NRXN3: variants seen among roughly 807,000 people sequenced by gnomAD.
NRXN3 encodes neurexin 3.
A neutral mutation model predicts 137.6 loss-of-function variants in NRXN3; 32 were observed. The observed-to-expected ratio is 0.23, with a 90% confidence interval of 0.18 to 0.31. The LOEUF is 0.31. NRXN3 is among the 10% of genes least tolerant of loss of function. The pLI, the probability that NRXN3 is intolerant of heterozygous loss-of-function variation, is 1.00. For synonymous variants in NRXN3, 798 were observed against 784.5 expected (o/e 1.02, Z -0.29); for missense variants, 1,574 against 2,062.5 (o/e 0.76, Z 4.59).
At chr14:78,272,683 A>G (rs952330771) in intron 2 of NRXN3, among the ~76,000 whole-genome samples, 2 of 152,162 alleles carry the variant, frequency 1.3e-5, no homozygotes, top group Non-Finnish European at 2.9e-5. Context: ...TCCATGGGTT[A>G]GATGGTTTCT....
At chr14:78,973,944 A>G (rs906122516) in intron 14 of NRXN3, among the ~76,000 whole-genome samples, 1 of 152,212 alleles carries the variant, frequency 6.6e-6, no homozygotes, top group Non-Finnish European at 1.5e-5. Context: ...GCTAACCAGT[A>G]CAAGCGCCTA....
chr14:79,429,881 G>C (rs1178315688), intron 15 of NRXN3, among the ~76,000 whole-genome samples: 1 of 152,058 alleles, frequency 6.6e-6, no homozygotes, highest in Admixed American at 6.6e-5. Context: ...TCTTTGGAGA[G>C]TGAAAGAGTT....
At chr14:78,554,343 G>A (rs1348804850) in intron 4 of NRXN3, among the ~76,000 whole-genome samples, 1 of 152,064 alleles carries the variant, frequency 6.6e-6, no homozygotes, top group Non-Finnish European at 1.5e-5. Context: ...CCTCGGGCTG[G>A]GCTCCTCTCC....
chr14:79,623,849 G>GTTTTTTTTTTTT (rs571687023), intron 16 of NRXN3, among the ~76,000 whole-genome samples: 7 of 98,028 alleles, frequency 7.1e-5, no homozygotes, highest in Non-Finnish European at 1.0e-4. Context: ...CTTAGCTCCT[G>GTTTTTTTTTTTT]TTTTTTTTTT....
At position 78,479,062 on chromosome 14, in the gene NRXN3, G is replaced by GT. The variant is rs1479579441; in HGVS notation, c.758-166057dup. ...ATAGCAAACCAATGTGCTACAATAT[G>GT]TAAGTTAGGGTGTGACTATCCCTGT... On this transcript the variant is annotated intron_variant, in intron 4 of 20. Transcript: ENST00000335750. Among the ~76,000 whole-genome samples, 6 of 152,360 alleles carry GT rather than the reference G, an allele frequency of 3.9e-5. No individual in the cohort carries two copies. In the East Asian group the frequency reaches 1.2e-3, roughly 29 times the overall value.
intron 20 of NRXN3, among the ~76,000 whole-genome samples, chr14:79,819,482 CTT>C (rs58492725): frequency 1.8e-4 from 13 of 71,900 alleles, no homozygotes; most frequent in African/African-American, 5.8e-4. Context: ...ACATTAAAAG[CTT>C]TTTTTTTTTT....
chr14:79,660,199 A>G (rs2098526876), intron 16 of NRXN3, among the ~76,000 whole-genome samples: 1 of 152,178 alleles, frequency 6.6e-6, no homozygotes, highest in African/African-American at 2.4e-5. Flanking sequence ...GATAGTTTCA[A>G]GCCTGGGCAA....
intron 15 of NRXN3, among the ~76,000 whole-genome samples, chr14:79,240,852 T>C (rs1184535058): frequency 6.6e-6 from 1 of 152,192 alleles, no homozygotes; most frequent in Non-Finnish European, 1.5e-5. Flanking sequence ...AACACATTAC[T>C]TTCCCTGACA....
intron 15 of NRXN3, among the ~76,000 whole-genome samples, chr14:79,069,770 G>A (rs2099685232): frequency 6.6e-6 from 1 of 152,002 alleles, no homozygotes; most frequent in Admixed American, 6.6e-5. Context: ...ATGTATAACT[G>A]TGATGCTATT....
intron 15 of NRXN3, among the ~76,000 whole-genome samples, chr14:79,385,899 T>C (rs1298281911): frequency 6.6e-6 from 1 of 152,114 alleles, no homozygotes; most frequent in African/African-American, 2.4e-5. Flanking sequence ...TTGACAAAAT[T>C]CAACAGCCCT....
intron 15 of NRXN3, among the ~76,000 whole-genome samples, chr14:79,278,360 C>T (rs1007448739): frequency 1.3e-5 from 2 of 152,142 alleles, no homozygotes; most frequent in Non-Finnish European, 2.9e-5. Flanking sequence ...GTGGATGCCG[C>T]CTAGTCCACA....
chr14:78,426,003 A>C (rs145741915), intron 4 of NRXN3, among the ~76,000 whole-genome samples: 1 of 152,322 alleles, frequency 6.6e-6, no homozygotes, highest in Non-Finnish European at 1.5e-5. Flanking sequence ...CAGGAAGTGA[A>C]GTATGTGCTG....
intron 16 of NRXN3, among the ~76,000 whole-genome samples, chr14:79,561,614 T>C (rs1399293343): frequency 6.6e-6 from 1 of 152,170 alleles, no homozygotes; most frequent in Non-Finnish European, 1.5e-5. Context: ...TGCTAGTAAG[T>C]GGCTTTGTAT....
At chr14:78,373,475 G>A (rs567850843) in intron 4 of NRXN3, among the ~76,000 whole-genome samples, 26 of 152,172 alleles carry the variant, frequency 1.7e-4, no homozygotes, top group Non-Finnish European at 3.5e-4. Context: ...AACACTCACC[G>A]GAAATCTGTA....
intron 10 of NRXN3, among the ~76,000 whole-genome samples, chr14:78,824,455 A>G (rs370672784): frequency 2.6e-5 from 4 of 152,356 alleles, no homozygotes; most frequent in African/African-American, 4.8e-5. Context: ...CTAATCATAT[A>G]GAAGGCATTA....
At chr14:79,668,530 C>G (rs146818325) in intron 17 of NRXN3, among the ~76,000 whole-genome samples, 4 of 152,224 alleles carry the variant, frequency 2.6e-5, no homozygotes, top group Admixed American at 1.3e-4. Flanking sequence ...CAGCCTCAAA[C>G]TTTCTGCTCA....
chr14:78,564,237 A>G (rs1191435910), intron 4 of NRXN3, among the ~76,000 whole-genome samples: 1 of 152,238 alleles, frequency 6.6e-6, no homozygotes, highest in Non-Finnish European at 1.5e-5. Context: ...GCTGACTTAA[A>G]GTGAACATCT....
In NRXN3 at chr14:79,851,938, T is replaced by C. The variant is rs573272087; in HGVS notation, c.4094-9404T>C. On this transcript the variant is annotated intron_variant, in intron 20 of 20. Transcript: ENST00000335750. ...GTCCTGTAGTTTACAGACACTGATA[T>C]TGTACTCTTTGGAGTGGAGAGGGGT... is the stretch of plus-strand genomic sequence containing the variant. Among the ~76,000 whole-genome samples, 116 of 152,092 alleles carry C rather than the reference T, an allele frequency of 7.6e-4. 1 individual carries two copies. Among genetic ancestry groups the C allele is most frequent in the South Asian group, 7.5e-3 (36 of 4,798 alleles).
rs560614833 is a variant in NRXN3, at chr14:78,461,337, C to T, written c.757+163477C>T. 2.0e-5 allele frequency among the ~76,000 whole-genome samples: 3 copies of T among 152,048 alleles called. No individual in the cohort carries two copies. In the South Asian group the frequency reaches 6.3e-4, roughly 32 times the overall value. ...TGTATTGAAAGAGGTAGGCCTTGTTCAGAGCCATGTTACTAATCTCAAGTC... is the reference window on the plus strand; with the variant it reads ...TGTATTGAAAGAGGTAGGCCTTGTTTAGAGCCATGTTACTAATCTCAAGTC... On this transcript the variant is annotated intron_variant, in intron 4 of 20. Coordinates refer to ENST00000335750, the MANE Select transcript of NRXN3 (RefSeq NM_001330195.2).
Sources: gnomAD v4.1 joint callset for allele counts (sites outside exome capture counted in the v4.1 genomes callset) on GRCh38, gnomAD v4.1.1 for gene constraint, MANE v1.5 for transcripts, NCBI Gene and HGNC (gene_info 2026-07-23, HGNC 2026-07-21) for gene names.